WDR41: variants seen among roughly 807,000 people sequenced by gnomAD.
WDR41 encodes WD repeat-containing protein 41.
Under a neutral mutation model 69.3 loss-of-function variants are expected in WDR41, and 63 were observed. The observed-to-expected ratio is 0.91, with a 90% confidence interval of 0.74 to 1.12. The LOEUF is 1.12. Ranked by LOEUF, WDR41 falls within the 50% of genes most tolerant of loss-of-function variation. The pLI, the probability that WDR41 is intolerant of heterozygous loss-of-function variation, is 0.00. For synonymous variants in WDR41, 185 were observed against 192.1 expected, an observed-to-expected ratio of 0.96 and a Z score of 0.31; for missense variants, 543 against 534.5, an observed-to-expected ratio of 1.02 and a Z score of -0.16.
intron 2 of WDR41, among the ~76,000 whole-genome samples, chr5:77,485,503 C>G (rs892611245): frequency 6.6e-6 from 1 of 152,128 alleles, no homozygotes; most frequent in African/African-American, 2.4e-5. Flanking sequence ...TGATTCCTTT[C>G]CAGTCATGAT....
intron 1 of WDR41, among the ~76,000 whole-genome samples, chr5:77,573,336 G>T (rs1743766788): frequency 1.3e-5 from 2 of 151,500 alleles, no homozygotes; most frequent in Admixed American, 1.3e-4. Flanking sequence ...TTGTTACATA[G>T]GTATACATGT....
chr5:77,465,099 C>T (rs1800246554), intron 2 of WDR41, among the ~76,000 whole-genome samples: 1 of 151,826 alleles, frequency 6.6e-6, no homozygotes, highest in Admixed American at 6.6e-5. Flanking sequence ...TTAAGAAATC[C>T]CTGACTTAAG....
intron 1 of WDR41, among the ~76,000 whole-genome samples, chr5:77,497,682 C>T (rs1029604076): frequency 1.9e-3 from 1 of 534 alleles, no homozygotes; most frequent in Admixed American, 0.045. Flanking sequence ...TGTGAAAAAT[C>T]GTTTAGCAAC....
chr5:77,608,027 C>T (rs1001904150), intron 1 of WDR41, among the ~76,000 whole-genome samples: 1 of 152,140 alleles, frequency 6.6e-6, no homozygotes, highest in African/African-American at 2.4e-5. Flanking sequence ...CCATCCACAA[C>T]CTCTTTTCTC....
intron 11 of WDR41, 62 bp from the exon 12 acceptor site, chr5:77,436,456 AAAAC>A: frequency 6.3e-7 from 1 of 1,584,364 alleles, no homozygotes; most frequent in Non-Finnish European, 8.6e-7. Context: ...TGAGATCAGA[AAAAC>A]AAAATTTAAA....
At chr5:77,464,851 A>C in intron 2 of WDR41, 42 bp from the exon 3 acceptor site, 1 of 1,583,530 alleles carries the variant, frequency 6.3e-7, no homozygotes, top group Non-Finnish European at 8.7e-7. Context: ...ATCACTGGTG[A>C]CATTTAATTA....
intron 1 of WDR41, among the ~76,000 whole-genome samples, chr5:77,579,589 A>T (rs1743900780): frequency 6.6e-6 from 1 of 152,218 alleles, no homozygotes; most frequent in South Asian, 2.1e-4. Context: ...CTATCTTTCA[A>T]AAAAGAAGTT....
At chr5:77,582,572 G>A in intron 1 of WDR41, 1 of 1,599,906 alleles carries the variant, frequency 6.3e-7, no homozygotes, top group East Asian at 2.2e-5. Flanking sequence ...CAAATGTACA[G>A]AACTGAAATT....
chr5:77,482,939 G>A (rs979031356), intron 2 of WDR41, among the ~76,000 whole-genome samples: 1 of 151,308 alleles, frequency 6.6e-6, no homozygotes, highest in African/African-American at 2.4e-5. Flanking sequence ...ACCAGGAGGG[G>A]GATAACAACC....
In WDR41 at chr5:77,598,644, CT is replaced by C. The variant is rs765785617; in HGVS notation, c.42+21834del. Among the ~76,000 whole-genome samples the C allele has an allele frequency of 8.7e-3, 1,050 of 121,280 alleles. 8 individuals are homozygous for C. Among genetic ancestry groups the C allele is most frequent in the Non-Finnish European group, 0.013 (716 of 57,076 alleles). The allele number at this position is 121,280 out of a possible 152,430, so 79.6% of individuals were successfully genotyped here. On this transcript the variant is annotated intron_variant, in intron 1 of 5. Transcript: ENST00000509971. Reference sequence around the variant, plus strand: ...GAAGTTATGTGAATCAGTAAGTTTCCTTTTTTTTTTTGTTTTTTTTGTAGCT... The same window carrying C: ...GAAGTTATGTGAATCAGTAAGTTTCCTTTTTTTTTTGTTTTTTTTGTAGCT...
chr5:77,583,750 A>G (rs1186379781), intron 1 of WDR41, among the ~76,000 whole-genome samples: 1 of 152,124 alleles, frequency 6.6e-6, no homozygotes. Flanking sequence ...CTCTCTCCCA[A>G]CTCATTTTAT....
intron 2 of WDR41, among the ~76,000 whole-genome samples, chr5:77,482,365 T>TTAAAC (rs1561196477): frequency 6.6e-6 from 1 of 152,240 alleles, no homozygotes; most frequent in Non-Finnish European, 1.5e-5. Flanking sequence ...TTTAAACAGT[T>TTAAAC]AGAAGGATCC....
intron 6 of WDR41, 86 bp from the exon 7 acceptor site, chr5:77,451,439 G>A (rs1014841286): frequency 4.6e-5 from 58 of 1,264,946 alleles, no homozygotes; most frequent in African/African-American, 3.9e-4. Flanking sequence ...TATGTCAGTC[G>A]TTTTCCATAA....
At chr5:77,589,394 G>T (rs1580033114) in intron 1 of WDR41, among the ~76,000 whole-genome samples, 2 of 151,974 alleles carry the variant, frequency 1.3e-5, no homozygotes, top group African/African-American at 4.8e-5. Context: ...AGCTTCCAGG[G>T]GTTTGAGATT....
chr5:77,527,741 G>A (rs973738007), intron 1 of WDR41, among the ~76,000 whole-genome samples: 1 of 151,824 alleles, frequency 6.6e-6, no homozygotes, highest in Admixed American at 6.6e-5. Flanking sequence ...GACAGAGTAT[G>A]TTCTCTGACT....
At chr5:77,448,968 A>T (rs1799514265) in intron 8 of WDR41, among the ~76,000 whole-genome samples, 1 of 152,152 alleles carries the variant, frequency 6.6e-6, no homozygotes, top group Non-Finnish European at 1.5e-5. Context: ...CTCCCACTAC[A>T]TCATACTCCC....
At chr5:77,490,441 C>G (rs1343832730) in intron 1 of WDR41, among the ~76,000 whole-genome samples, 1 of 152,116 alleles carries the variant, frequency 6.6e-6, no homozygotes, top group African/African-American at 2.4e-5. Flanking sequence ...AGTTGAGAAC[C>G]ACTGCTTAAA....
intron 1 of WDR41, among the ~76,000 whole-genome samples, chr5:77,533,225 T>A (rs1742898852): frequency 6.6e-6 from 1 of 152,208 alleles, no homozygotes; most frequent in Non-Finnish European, 1.5e-5. Flanking sequence ...GATCTCTGCA[T>A]AGGCTGTTCT....
intron 1 of WDR41, among the ~76,000 whole-genome samples, chr5:77,518,187 T>C (rs969577904): frequency 2.0e-5 from 3 of 152,158 alleles, no homozygotes; most frequent in Admixed American, 2.0e-4. Flanking sequence ...GGGATTTTTT[T>C]TGTTGTTGTT....
Sources: gnomAD v4.1 joint callset for allele counts (sites outside exome capture counted in the v4.1 genomes callset) on GRCh38, gnomAD v4.1.1 for gene constraint, MANE v1.5 for transcripts, NCBI Gene and HGNC (gene_info 2026-07-23, HGNC 2026-07-21) for gene names.